Variants in HMCN1 observed in about 807,000 individuals in gnomAD.
HMCN1 encodes hemicentin-1.
Under a neutral mutation model 625.9 loss-of-function variants are expected in HMCN1, and 321 were observed. That is an observed-to-expected ratio of 0.51 (90% CI 0.47 to 0.56). HMCN1 has a LOEUF of 0.56. Among genes scored for constraint, HMCN1 ranks in the 20% least tolerant of loss-of-function variants. The pLI is 0.00. For missense variants in HMCN1, 6,588 were observed against 6,887.3 expected, an observed-to-expected ratio of 0.96 and a Z score of 1.54; for synonymous variants, 2,425 against 2,417.6, an observed-to-expected ratio of 1.00 and a Z score of -0.09.
intron 10 of HMCN1, 129 bp from the exon 11 acceptor site, chr1:185,933,420 G>C: frequency 8.0e-6 from 7 of 872,356 alleles, no homozygotes; most frequent in Non-Finnish European, 1.3e-5. Flanking sequence ...CATTAATTGA[G>C]TAAGTTCTGT....
chr1:185,898,485 G>T (rs1349458028), intron 4 of HMCN1, among the ~76,000 whole-genome samples: 2 of 151,932 alleles, frequency 1.3e-5, no homozygotes, highest in Non-Finnish European at 2.9e-5. Context: ...TTTTTAACTA[G>T]AAAGATAGCG....
rs936963625 is a variant in HMCN1 at position 185,794,255 on chromosome 1, A to G, written c.269-51771A>G. On this transcript the variant is annotated intron_variant, in intron 1 of 106. Coordinates refer to ENST00000271588, the MANE Select transcript of HMCN1 (RefSeq NM_031935.3). Reference sequence around the variant, plus strand: ...AATGCAGCTACGCTCTCAGGCCCCAATTATGAATTTAGCTAAGTTTTATTG... The same window carrying G: ...AATGCAGCTACGCTCTCAGGCCCCAGTTATGAATTTAGCTAAGTTTTATTG... 2.0e-4 allele frequency among the ~76,000 whole-genome samples: 31 copies of G among 152,188 alleles called. 1 individual carries two copies. The highest frequency in any genetic ancestry group is 7.2e-4 in the African/African-American group (30 of 41,524).
chr1:185,959,517 C>T (rs1255353164), intron 11 of HMCN1, among the ~76,000 whole-genome samples: 3 of 151,988 alleles, frequency 2.0e-5, no homozygotes, highest in Non-Finnish European at 4.4e-5. Flanking sequence ...ACATGTATTT[C>T]GCTTTTGTTA....
chr1:186,137,379 T>C (rs1649669227), intron 87 of HMCN1, 119 bp from the exon 88 acceptor site: 1 of 1,161,990 alleles, frequency 8.6e-7, no homozygotes, highest in Non-Finnish European at 1.3e-6. Flanking sequence ...AGAGCTTCCA[T>C]ACGCTATTTC....
chr1:185,863,572 A>G (rs1054635580), intron 2 of HMCN1, among the ~76,000 whole-genome samples: 2 of 152,358 alleles, frequency 1.3e-5, no homozygotes, highest in Middle Eastern at 3.4e-3. Flanking sequence ...TGCTGATGAC[A>G]TGGAAACAAA....
intron 80 of HMCN1, among the ~76,000 whole-genome samples, chr1:186,122,028 A>C (rs1661423690): frequency 6.6e-6 from 1 of 152,202 alleles, no homozygotes; most frequent in African/African-American, 2.4e-5. Context: ...AGGTCGTAGA[A>C]AAGAACATTT....
At chr1:186,179,446 G>C (rs1020229834) in intron 104 of HMCN1, among the ~76,000 whole-genome samples, 1 of 152,114 alleles carries the variant, frequency 6.6e-6, no homozygotes, top group Admixed American at 6.5e-5. Flanking sequence ...TTTCAGTCGA[G>C]TTGCAAACAT....
chr1:186,186,790 T>C (rs534996734), intron 105 of HMCN1, among the ~76,000 whole-genome samples: 10 of 152,174 alleles, frequency 6.6e-5, no homozygotes, highest in Non-Finnish European at 1.2e-4. Context: ...ATTGATTCCC[T>C]GAAATATTTG....
At chr1:185,844,645 G>A (rs1269778928) in intron 1 of HMCN1, among the ~76,000 whole-genome samples, 1 of 152,064 alleles carries the variant, frequency 6.6e-6, no homozygotes, top group Non-Finnish European at 1.5e-5. Context: ...TTTCGAATGA[G>A]TCTATATCAT....
At position 186,021,653 on chromosome 1, in the gene HMCN1, G is replaced by A. The variant is rs551705380; in HGVS notation, c.5626-1377G>A. Among the ~76,000 whole-genome samples, 3 of 152,192 alleles carry A rather than the reference G, an allele frequency of 2.0e-5. 1 individual carries two copies. The South Asian group carries it at 6.2e-4, about 32-fold the overall frequency. On this transcript the variant is annotated intron_variant, in intron 35 of 106. Transcript: ENST00000271588. ...TTATAACAGTATGAATGGAGAATAG[G>A]TTAAGTGGGAGTTTACATGGGAGAG...
Position 185,997,462 on chromosome 1 carries a change from A to G in HMCN1, c.3812A>G (p.Tyr1271Cys), listed in dbSNP as rs777529560. ...PPTVEDLEPP[Y>C]NTTFQERVAN... is the part of the protein sequence containing the mutation. Reference sequence around the variant, plus strand: ...ACAGTGGAAGATCTAGAACCTCCATATAACACTACTTTCCAAGAAAGAGTG... The same window carrying G: ...ACAGTGGAAGATCTAGAACCTCCATGTAACACTACTTTCCAAGAAAGAGTG... The change falls in exon 25 of 107, where the codon TAT becomes TGT. Residue 1271 changes from tyrosine to cysteine, a missense_variant. Physicochemically the swap from Tyr to Cys is radical, Grantham distance 194. Around this residue, in one of 3 missense-constraint regions of HMCN1, gnomAD observed 4,628 missense variants for 4,853.1 expected, o/e 0.95. Coordinates refer to ENST00000271588, the MANE Select transcript of HMCN1 (RefSeq NM_031935.3). The G allele has an allele frequency of 8.7e-6, 14 of 1,612,696 alleles. No homozygotes were observed. The highest frequency in any genetic ancestry group is 1.7e-5 in the Admixed American group (1 of 59,918).
At chr1:186,033,722 T>C (rs1655639344) in intron 36 of HMCN1, among the ~76,000 whole-genome samples, 1 of 152,212 alleles carries the variant, frequency 6.6e-6, no homozygotes, top group Non-Finnish European at 1.5e-5. Context: ...GTTTCTAGGT[T>C]TCCTGATGGA....
chr1:186,093,416 T>C, intron 65 of HMCN1, 70 bp from the exon 66 acceptor site: 1 of 1,583,332 alleles, frequency 6.3e-7, no homozygotes, highest in Non-Finnish European at 8.7e-7. Flanking sequence ...GCAATTGTAG[T>C]AGAAATTATT....
In HMCN1 at chr1:185,948,556, A is replaced by C. The variant is rs550597576; in HGVS notation, c.1829-13962A>C. 1.9e-3 allele frequency among the ~76,000 whole-genome samples: 292 copies of C among 151,550 alleles called. 1 individual carries two copies. Among genetic ancestry groups the C allele is most frequent in the Non-Finnish European group, 3.3e-3 (223 of 67,954 alleles). On this transcript the variant is annotated intron_variant, in intron 11 of 106. Coordinates refer to ENST00000271588, the MANE Select transcript of HMCN1 (RefSeq NM_031935.3). Reference sequence around the variant, plus strand: ...AGGACTTTCACAAGGTAATGTCATCACTTAAGGCAAGGACCGGCCATTTAC... The same window carrying C: ...AGGACTTTCACAAGGTAATGTCATCCCTTAAGGCAAGGACCGGCCATTTAC...
intron 48 of HMCN1, among the ~76,000 whole-genome samples, chr1:186,063,054 G>A (rs1263986729): frequency 2.1e-4 from 22 of 103,962 alleles, no homozygotes; most frequent in African/African-American, 8.9e-4. Context: ...GTGTGTGTGT[G>A]TGTGTGTGTG....
At chr1:185,834,410 G>C (rs955148225) in intron 1 of HMCN1, among the ~76,000 whole-genome samples, 4 of 152,092 alleles carry the variant, frequency 2.6e-5, no homozygotes, top group Non-Finnish European at 4.4e-5. Flanking sequence ...TCACATGGTT[G>C]TTGGCAGGAT....
At chr1:186,152,063 T>A (rs563073102) in intron 95 of HMCN1, among the ~76,000 whole-genome samples, 10 of 152,306 alleles carry the variant, frequency 6.6e-5, no homozygotes, top group Non-Finnish European at 1.3e-4. Flanking sequence ...TTACTGTTAT[T>A]AATTAAAGAC....
intron 1 of HMCN1, among the ~76,000 whole-genome samples, chr1:185,795,989 G>A (rs887283161): frequency 6.6e-6 from 1 of 152,162 alleles, no homozygotes; most frequent in Non-Finnish European, 1.5e-5. Context: ...GTAAAGTGAA[G>A]TTTTGTTAAC....
Position 185,877,736 on chromosome 1 carries a change from C to CT in HMCN1, c.621+11881dup, listed in dbSNP as rs759142304. 1.9e-3 allele frequency among the ~76,000 whole-genome samples: 291 copies of CT among 150,736 alleles called. 1 individual carries two copies. The highest frequency in any genetic ancestry group is 2.9e-3 in the Non-Finnish European group (198 of 67,454). On this transcript the variant is annotated intron_variant, in intron 4 of 106. Transcript: ENST00000271588. ...CTCTTTTTGTATGGCTATTTTTTTCCTTTTTTTTGACTTTTATTTTAGGTT... is the reference window on the plus strand; with the variant it reads ...CTCTTTTTGTATGGCTATTTTTTTCCTTTTTTTTTGACTTTTATTTTAGGTT...
Sources: gnomAD v4.1 joint callset for allele counts (sites outside exome capture counted in the v4.1 genomes callset) on GRCh38, gnomAD v4.1.1 for gene constraint, gnomAD v4.1.1 regional missense constraint, MANE v1.5 for transcripts, NCBI Gene and HGNC (gene_info 2026-07-23, HGNC 2026-07-21) for gene names.